ARHGAP6: variants seen among roughly 807,000 people sequenced by gnomAD.
ARHGAP6 encodes Rho GTPase activating protein 6.
ARHGAP6 carries 16 observed loss-of-function variants against 55.7 expected under a neutral mutation model. The ratio of observed to expected loss-of-function variants is 0.29; its 90% CI spans 0.19 to 0.44. The LOEUF is 0.44. Ranked by LOEUF, ARHGAP6 falls within the 20% of genes least tolerant of loss-of-function variation. ARHGAP6 has a pLI of 1.00. For synonymous variants in ARHGAP6, 382 were observed against 360.9 expected, an observed-to-expected ratio of 1.06 and a Z score of -0.66; for missense variants, 698 against 808.9, an observed-to-expected ratio of 0.86 and a Z score of 1.66.
At chrX:11,632,352 T>G (rs2052369660) in intron 1 of ARHGAP6, among the ~76,000 whole-genome samples, 1 of 112,327 alleles carries the variant, frequency 8.9e-6, no homozygotes, top group Admixed American at 9.4e-5. Context: ...TATACTTCAT[T>G]TCCCAATAAT....
intron 1 of ARHGAP6, among the ~76,000 whole-genome samples, chrX:11,366,920 G>A (rs1159072031): frequency 8.9e-6 from 1 of 111,878 alleles, no homozygotes; most frequent in Non-Finnish European, 1.9e-5. Context: ...AGTGAGAGGA[G>A]AAGAGGCCTA....
At chrX:11,574,951 C>A (rs1299936672) in intron 1 of ARHGAP6, among the ~76,000 whole-genome samples, 4 of 111,727 alleles carry the variant, frequency 3.6e-5, no homozygotes, top group Non-Finnish European at 7.5e-5. Context: ...CTAAAAGTAA[C>A]TCTCAGATCA....
At chrX:11,383,542 C>A (rs1156605899) in intron 1 of ARHGAP6, among the ~76,000 whole-genome samples, 2 of 111,256 alleles carry the variant, frequency 1.8e-5, no homozygotes, top group Non-Finnish European at 3.8e-5. Flanking sequence ...TGAGCCTTGG[C>A]CTGTGGTCTC....
intron 1 of ARHGAP6, among the ~76,000 whole-genome samples, chrX:11,351,878 A>C (rs2048867394): frequency 8.9e-6 from 1 of 112,308 alleles, no homozygotes; most frequent in Admixed American, 9.4e-5. Flanking sequence ...GTTGTAGACC[A>C]CAAGTTGTGA....
intron 1 of ARHGAP6, among the ~76,000 whole-genome samples, chrX:11,545,232 A>T (rs2051200419): frequency 8.9e-6 from 1 of 112,691 alleles, no homozygotes; most frequent in Non-Finnish European, 1.9e-5. Flanking sequence ...GAAAAAATCT[A>T]TTTGGCAAGC....
chrX:11,462,919 C>A (rs912502714), intron 1 of ARHGAP6, among the ~76,000 whole-genome samples: 1 of 112,644 alleles, frequency 8.9e-6, no homozygotes, highest in South Asian at 3.6e-4. Flanking sequence ...AAGGTAGTGG[C>A]GAGACCCTTG....
At chrX:11,404,793 G>C (rs1220522447) in intron 1 of ARHGAP6, among the ~76,000 whole-genome samples, 1 of 112,035 alleles carries the variant, frequency 8.9e-6, no homozygotes, top group Non-Finnish European at 1.9e-5. Flanking sequence ...GTAGGAACGA[G>C]TAATTCTAGA....
chrX:11,576,021 T>G (rs1235711722), intron 1 of ARHGAP6, among the ~76,000 whole-genome samples: 1 of 112,370 alleles, frequency 8.9e-6, no homozygotes, highest in Non-Finnish European at 1.9e-5. Context: ...AAATTATCGT[T>G]TTTTTAATGT....
At chrX:11,340,100 T>C (rs958863395) in intron 1 of ARHGAP6, among the ~76,000 whole-genome samples, 2 of 112,185 alleles carry the variant, frequency 1.8e-5, no homozygotes, top group Non-Finnish European at 3.8e-5. Context: ...GTCCCCTGTA[T>C]CCATTCTTGC....
chrX:11,530,789 G>C (rs2051040079), intron 1 of ARHGAP6, among the ~76,000 whole-genome samples: 1 of 111,484 alleles, frequency 9.0e-6, no homozygotes, highest in South Asian at 3.8e-4. Flanking sequence ...TTGAGTCTGA[G>C]GAACAGCTGG....
At chrX:11,492,829 T>C (rs2050584655) in intron 1 of ARHGAP6, among the ~76,000 whole-genome samples, 1 of 112,446 alleles carries the variant, frequency 8.9e-6, no homozygotes, top group Admixed American at 9.4e-5. Context: ...CCAGCTACAC[T>C]TCAATTCTCG....
chrX:11,567,566 A>AAAAAAAAAATATATATATATATAT (rs1440758737), intron 1 of ARHGAP6, among the ~76,000 whole-genome samples: 4 of 84,405 alleles, frequency 4.7e-5, no homozygotes, highest in African/African-American at 1.9e-4. Context: ...AAAAAAAAAA[A>AAAAAAAAAATATATATATATATAT]ATATATATAT....
At chrX:11,221,705 T>A (rs2046974582) in intron 2 of ARHGAP6, among the ~76,000 whole-genome samples, 1 of 112,014 alleles carries the variant, frequency 8.9e-6, no homozygotes, top group Non-Finnish European at 1.9e-5. Flanking sequence ...AAGTCACATA[T>A]CAGTTTTTTT....
At chrX:11,275,549 T>C (rs1473595632) in intron 1 of ARHGAP6, among the ~76,000 whole-genome samples, 2 of 111,764 alleles carry the variant, frequency 1.8e-5, no homozygotes, top group East Asian at 5.6e-4. Flanking sequence ...TCTCTGGGAA[T>C]GTCCACCAGC....
At chrX:11,339,915 C>T (rs1460020820) in intron 1 of ARHGAP6, among the ~76,000 whole-genome samples, 1 of 112,215 alleles carries the variant, frequency 8.9e-6, no homozygotes, top group Non-Finnish European at 1.9e-5. Flanking sequence ...TTGAGAGTCA[C>T]ATCTGATTCC....
At chrX:11,463,943 A>AT (rs1354402409) in intron 1 of ARHGAP6, among the ~76,000 whole-genome samples, 1 of 112,679 alleles carries the variant, frequency 8.9e-6, no homozygotes, top group African/African-American at 3.2e-5. Context: ...GAAGAAAGAC[A>AT]TGTGCTAGGA....
At chrX:11,166,000 C>T (rs945722730) in intron 9 of ARHGAP6, among the ~76,000 whole-genome samples, 1 of 111,823 alleles carries the variant, frequency 8.9e-6, no homozygotes, top group African/African-American at 3.3e-5. Context: ...GATCTATTTC[C>T]AGCTCAAGGA....
At chrX:11,334,780 C>A in intron 1 of ARHGAP6, 1 of 247,560 alleles carries the variant, frequency 4.0e-6, no homozygotes, top group South Asian at 5.9e-5. Flanking sequence ...ACTGGCAAAG[C>A]CTTGGTAGGC....
chrX:11,141,385 A>T (rs1602720491), intron 12 of ARHGAP6, among the ~76,000 whole-genome samples: 1 of 75,455 alleles, frequency 1.3e-5, no homozygotes, highest in Non-Finnish European at 3.0e-5. Context: ...AAATGCAAGT[A>T]AGTAAACAAT....
Sources: allele counts gnomAD v4.1 joint callset (sites outside exome capture counted in the v4.1 genomes callset), GRCh38; gene constraint gnomAD v4.1.1; transcripts MANE v1.5; gene names NCBI Gene and HGNC (gene_info 2026-07-23, HGNC 2026-07-21).